The following MYH8 variants were observed in gnomAD, a reference collection of about 807,000 sequenced individuals.
MYH8 encodes the protein myosin heavy chain 8.
Under a neutral mutation model 233.2 loss-of-function variants are expected in MYH8, and 168 were observed. The ratio of observed to expected loss-of-function variants is 0.72; its 90% CI spans 0.64 to 0.82. The LOEUF is 0.82. Ranked by LOEUF, MYH8 falls within the 40% of genes least tolerant of loss-of-function variation. The pLI is 0.00. For missense variants in MYH8, 1,995 were observed against 2,327.8 expected, an observed-to-expected ratio of 0.86 and a Z score of 2.94; for synonymous variants, 785 against 850.6, an observed-to-expected ratio of 0.92 and a Z score of 1.34.
chr17:10,411,315 G>T (rs921548424), intron 14 of MYH8, among the ~76,000 whole-genome samples: 2 of 151,684 alleles, frequency 1.3e-5, no homozygotes, highest in African/African-American at 4.8e-5. Context: ...GGTGGAGGTT[G>T]CAGTGAGCTG....
intron 28 of MYH8, 30 bp downstream of exon 28, chr17:10,399,513 G>A (rs371314098): frequency 1.2e-6 from 2 of 1,612,324 alleles, no homozygotes; most frequent in African/African-American, 1.3e-5. Flanking sequence ...TTTAGTCCAT[G>A]GTGTTGGGAC....
chr17:10,391,270 G>T (rs2072020206), intron 39 of MYH8, among the ~76,000 whole-genome samples: 1 of 152,212 alleles, frequency 6.6e-6, no homozygotes, highest in Admixed American at 6.5e-5. Flanking sequence ...TGTCTAGAGG[G>T]AGAGGAATAT....
In MYH8 at chr17:10,398,482, C is replaced by T. The variant is rs769844559; in HGVS notation, c.4140G>A (p.Thr1380=). ...GCTCCTCTGTGCGCTGGATGGCATC[C>T]GTCTCGTATTTGGTTCTCCACTGGG... The part of the protein sequence containing the change: ...EVAQWRTKYE[T]DAIQRTEELE... The change falls in exon 30 of 40, where the codon ACG becomes ACA. Residue 1380 remains threonine, a synonymous_variant. Transcript: ENST00000403437. 5.6e-6 allele frequency: 9 copies of T among 1,614,012 alleles called. No homozygotes were observed. The highest frequency in any genetic ancestry group is 4.4e-5 in the South Asian group (4 of 91,074).
intron 35 of MYH8, among the ~76,000 whole-genome samples, chr17:10,393,921 A>G (rs2072053314): frequency 6.8e-6 from 1 of 147,370 alleles, no homozygotes. Context: ...TTTACTCAAT[A>G]GTATTCTACC....
rs183441932 is a variant in MYH8, at chr17:10,412,658, C to T, written c.1218G>A (p.Arg406=). 4.3e-6 allele frequency: 7 copies of T among 1,614,176 alleles called. No individual in the cohort carries two copies. The East Asian group carries it at 1.6e-4, about 36-fold the overall frequency. Residue 406 remains arginine, a synonymous_variant, in exon 13 of 40, where the codon AGG becomes AGA. Coordinates refer to ENST00000403437, the MANE Select transcript of MYH8 (RefSeq NM_002472.3). ...ADLLKALCYP[R]VKVGNEYVTK... The stretch of plus-strand genomic sequence containing the variant: ...TGACATACTCATTGCCAACCTTGAC[C>T]CTAGGGTAGCAGAGGGCTTTGAGTA...
rs772433083 is a variant in MYH8, at chr17:10,409,561, C to T, written c.1615G>A (p.Glu539Lys). 1.9e-6 allele frequency: 3 copies of T among 1,614,084 alleles called. No individual in the cohort carries two copies. Among genetic ancestry groups the T allele is most frequent in the Admixed American group, 1.7e-5 (1 of 59,996 alleles). ...KPLGIFSILE[E>K]ECMFPKATDT... ...GTTGCCTTAGGGAACATGCACTCCT[C>T]TTCCAGGATGGAGAAGATGCCCAGT... The change falls in exon 16 of 40, where the codon GAG becomes AAG. Residue 539 changes from glutamate (E) to lysine (K), a missense_variant. By Grantham distance (56) the Glu-to-Lys change is moderately conservative. This residue lies in a region of MYH8 where 1,498 missense variants were observed against 1,680.9 expected (regional missense o/e 0.89). Transcript: ENST00000403437.
chr17:10,391,412 G>A, intron 39 of MYH8, among the ~76,000 whole-genome samples: 1 of 152,192 alleles, frequency 6.6e-6, no homozygotes, highest in East Asian at 1.9e-4. Context: ...GGGCGTGGTG[G>A]CTCATGCCTG....
intron 21 of MYH8, among the ~76,000 whole-genome samples, chr17:10,405,586 G>C (rs1342812651): frequency 6.6e-6 from 1 of 152,220 alleles, no homozygotes; most frequent in Non-Finnish European, 1.5e-5. Flanking sequence ...GATAAACTGG[G>C]TGAGATTAGT....
intron 28 of MYH8, 21 bp downstream of exon 28, chr17:10,399,522 A>G (rs1384649103): frequency 1.2e-6 from 2 of 1,612,602 alleles, no homozygotes; most frequent in Admixed American, 1.7e-5. Flanking sequence ...TGGTGTTGGG[A>G]CCCAGAGAAG....
chr17:10,392,431 A>T (rs2072034477), intron 38 of MYH8, 111 bp downstream of exon 38: 13 of 996,248 alleles, frequency 1.3e-5, no homozygotes, highest in Non-Finnish European at 2.1e-5. Context: ...CCTTACATGT[A>T]CCAAGTTAAT....
Position 10,395,306 on chromosome 17 carries a change from C to A in MYH8, c.4789G>T (p.Val1597Leu), listed in dbSNP as rs369298245. ...DQLKRNHTRV[V>L]ETMQSTLDAE... ...TCCAGCGTGCTCTGCATTGTCTCCA[C>A]GACTCTAGTGTGGTTTCTCTTCAGC... The change falls in exon 34 of 40, where the codon GTG (valine) becomes TTG (leucine). Residue 1597 changes from valine (V) to leucine (L), a missense_variant. By Grantham distance (32) the Val-to-Leu change is conservative (BLOSUM62 1). This residue lies in a region of MYH8 where 1,498 missense variants were observed against 1,680.9 expected (regional missense o/e 0.89). Transcript: ENST00000403437. 2 of 1,614,064 alleles carry A rather than the reference C, an allele frequency of 1.2e-6. No homozygotes were observed. Among genetic ancestry groups the A allele is most frequent in the Non-Finnish European group, 1.7e-6 (2 of 1,180,036 alleles).
intron 19 of MYH8, 44 bp downstream of exon 19, chr17:10,406,646 A>G: frequency 3.9e-6 from 6 of 1,527,546 alleles, no homozygotes; most frequent in African/African-American, 1.4e-5. Flanking sequence ...TTTTTAATAC[A>G]TACTAATTCA....
In MYH8 at chr17:10,404,285, A is replaced by G. The variant is rs201858828; in HGVS notation, c.2688+45T>C. 71 of 1,613,146 alleles carry G rather than the reference A, an allele frequency of 4.4e-5. No homozygotes were observed. In the African/African-American group the frequency reaches 7.1e-4, roughly 16 times the overall value. On this transcript the variant is annotated intron_variant, in intron 22 of 39. Transcript: ENST00000403437. The stretch of plus-strand genomic sequence containing the variant: ...AAATCCAAAGTATATGTGTGTTTCA[A>G]AAAAGCTTCAGTAACATGGTGCATT...
In MYH8 at chr17:10,398,745, AAAAAATCCTTGGC is replaced by A; in HGVS notation, c.3981+10_3981+22del. ...GGGCAGGTTTAGATTTGGTTAGTCA[AAAAAATCCTTGGC>A]AAAACTCACTTTAGTTTCTTCCTCT... On this transcript the variant is annotated intron_variant, in intron 29 of 39. Transcript: ENST00000403437. The A allele has an allele frequency of 1.2e-6, 2 of 1,613,996 alleles. No homozygotes were observed. Among genetic ancestry groups the A allele is most frequent in the East Asian group, 4.5e-5 (2 of 44,882 alleles).
intron 39 of MYH8, 33 bp from the exon 40 acceptor site, chr17:10,390,636 C>CT: frequency 6.2e-7 from 1 of 1,608,606 alleles, no homozygotes; most frequent in Non-Finnish European, 8.5e-7. Context: ...GAGAATTAGA[C>CT]TGTGTGGTTC....
Position 10,414,216 on chromosome 17 carries a change from G to A in MYH8, c.984C>T (p.Asp328=), listed in dbSNP as rs889687395. 1 of 1,614,032 alleles carries A rather than the reference G, an allele frequency of 6.2e-7. No homozygotes were observed. Among genetic ancestry groups the A allele is most frequent in the South Asian group, 1.1e-5 (1 of 91,076 alleles). Residue 328 remains aspartate (D), a synonymous_variant, in exon 11 of 40, where the codon GAC becomes GAT. Coordinates refer to ENST00000403437, the MANE Select transcript of MYH8 (RefSeq NM_002472.3). The stretch of plus-strand genomic sequence containing the variant: ...CATCAGTGGCCATCAACTCTTCTTG[G>A]TCATCAATACTGGGAACTGTGATCT... ...QGEITVPSID[D]QEELMATDSA...
rs772048786 is a variant in MYH8 at position 10,409,341 on chromosome 17, T to C, written c.1835A>G (p.Tyr612Cys). 1.9e-6 allele frequency: 3 copies of C among 1,614,130 alleles called. No individual in the cohort carries two copies. The South Asian group carries it at 3.3e-5, about 18-fold the overall frequency. ...DPLNDTVVGL[Y>C]QKSAMKTLAS... ...TAGAGTCTTCATTGCAGACTTCTGG[T>C]ACAGCCCAACCACAGTATCATTCAG... is the stretch of plus-strand genomic sequence containing the variant. Residue 612 changes from tyrosine (Y) to cysteine (C), a missense_variant, in exon 16 of 40, where the codon TAC becomes TGC. Tyr to Cys is a radical substitution (Grantham distance 194). Around this residue, in one of 3 missense-constraint regions of MYH8, gnomAD observed 1,498 missense variants for 1,680.9 expected, o/e 0.89. Transcript: ENST00000403437.
intron 30 of MYH8, among the ~76,000 whole-genome samples, chr17:10,397,948 C>T (rs1420391045): frequency 1.3e-5 from 2 of 152,124 alleles, no homozygotes; most frequent in African/African-American, 4.8e-5. Flanking sequence ...GTGCCAAGTA[C>T]ACATCCTTAT....
chr17:10,394,201 T>G lies in MYH8; in HGVS notation c.5166+48A>C, dbSNP rs775910877. On this transcript the variant is annotated intron_variant, in intron 35 of 39. Coordinates refer to ENST00000403437, the MANE Select transcript of MYH8 (RefSeq NM_002472.3). The stretch of plus-strand genomic sequence containing the variant: ...GAGTACTTTCATGTTATAATTCGAA[T>G]GCATCAGCTACCAGTACACCAGCAT... The G allele has an allele frequency of 1.9e-6, 3 of 1,610,094 alleles. No individual in the cohort carries two copies. The Admixed American group carries it at 5.0e-5, about 27-fold the overall frequency.
Sources: allele counts gnomAD v4.1 joint callset (sites outside exome capture counted in the v4.1 genomes callset), GRCh38; gene constraint gnomAD v4.1.1; regional missense constraint gnomAD v4.1.1; transcripts MANE v1.5; gene names NCBI Gene and HGNC (gene_info 2026-07-23, HGNC 2026-07-21).